The following APPBP2 variants were observed in gnomAD, a reference collection of about 807,000 sequenced individuals.
APPBP2 encodes the protein amyloid beta precursor protein binding protein 2, also known as amyloid protein-binding protein 2.
APPBP2 carries 15 observed loss-of-function variants against 76.0 expected under a neutral mutation model. The observed-to-expected ratio is 0.20, with a 90% CI of 0.13 to 0.30. The LOEUF (loss-of-function observed/expected upper bound fraction) is 0.30. APPBP2 is among the 10% of genes least tolerant of loss of function. The probability of loss-of-function intolerance (pLI) is 1.00; values close to 1 mark genes in which losing one functional copy is unlikely to be tolerated. For missense variants in APPBP2, 401 were observed against 687.2 expected, an observed-to-expected ratio of 0.58 and a Z score of 4.66; for synonymous variants, 222 against 242.2, an observed-to-expected ratio of 0.92 and a Z score of 0.77.
chr17:60,482,738 C>T (rs974482113), intron 3 of APPBP2, among the ~76,000 whole-genome samples: 1 of 152,184 alleles, frequency 6.6e-6, no homozygotes, highest in Non-Finnish European at 1.5e-5. Context: ...CAGCTTCATC[C>T]ATGTCCCTAC....
intron 2 of APPBP2, among the ~76,000 whole-genome samples, chr17:60,499,968 G>T (rs1011243902): frequency 4.6e-5 from 7 of 151,214 alleles, no homozygotes; most frequent in Non-Finnish European, 1.0e-4. Flanking sequence ...TGATTAAAAA[G>T]TTCTGGAAAT....
intron 3 of APPBP2, among the ~76,000 whole-genome samples, chr17:60,491,826 C>G (rs2090731771): frequency 6.6e-6 from 1 of 152,170 alleles, no homozygotes; most frequent in Non-Finnish European, 1.5e-5. Context: ...AAGAAAAACT[C>G]ATTTTGTGAG....
chr17:60,461,542 C>G, intron 8 of APPBP2: 1 of 324,360 alleles, frequency 3.1e-6, no homozygotes, highest in Non-Finnish European at 5.6e-6. Context: ...AAAGACAAGC[C>G]ATTACATGGG....
In APPBP2 at chr17:60,510,456, T is replaced by G. The variant is rs117451389; in HGVS notation, c.139-9969A>C. On this transcript the variant is annotated intron_variant, in intron 1 of 12. Transcript: ENST00000083182. ...CTCATCTGATGTTGGGCGTGGTGGG[T>G]CACACCTGTAATCCCAGCACTCTGG... is the stretch of plus-strand genomic sequence containing the variant. Among the ~76,000 whole-genome samples, 1,359 of 151,994 alleles carry G rather than the reference T, an allele frequency of 8.9e-3. 7 individuals are homozygous for G. The highest frequency in any genetic ancestry group is 0.014 in the Non-Finnish European group (919 of 67,984).
intron 3 of APPBP2, among the ~76,000 whole-genome samples, chr17:60,481,420 G>A (rs781274618): frequency 2.0e-5 from 3 of 152,106 alleles, no homozygotes; most frequent in Non-Finnish European, 4.4e-5. Flanking sequence ...GTGAGACCCT[G>A]TCTCCTAAAT....
intron 4 of APPBP2, among the ~76,000 whole-genome samples, chr17:60,474,047 G>C (rs1329295817): frequency 6.6e-6 from 1 of 152,082 alleles, no homozygotes; most frequent in Admixed American, 6.6e-5. Context: ...AGGATCTCCA[G>C]AACTGAATTA....
At chr17:60,492,017 T>C (rs1338678475) in intron 3 of APPBP2, among the ~76,000 whole-genome samples, 1 of 152,172 alleles carries the variant, frequency 6.6e-6, no homozygotes, top group African/African-American at 2.4e-5. Flanking sequence ...AGGGCCCCCC[T>C]GCTGTGTGCA....
Position 60,456,351 on chromosome 17 carries a change from A to G in APPBP2, c.1092T>C (p.Ile364=). 1.9e-6 allele frequency: 3 copies of G among 1,610,198 alleles called. No homozygotes were observed. Among genetic ancestry groups the G allele is most frequent in the East Asian group, 4.5e-5 (2 of 44,794 alleles). ...GATGATCTTCAGGTAGGATGTGGGTAATGATACCAATAGCTCTTTCTGCAT... is the reference window on the plus strand; with the variant it reads ...GATGATCTTCAGGTAGGATGTGGGTGATGATACCAATAGCTCTTTCTGCAT... ...LFHAERAIGI[I]THILPEDHLL... The change falls in exon 10 of 13, where the codon ATT becomes ATC. Residue 364 remains isoleucine, a synonymous_variant. Coordinates refer to ENST00000083182, the MANE Select transcript of APPBP2 (RefSeq NM_006380.5).
intron 4 of APPBP2, among the ~76,000 whole-genome samples, chr17:60,475,405 G>A (rs2090582405): frequency 6.6e-6 from 1 of 152,022 alleles, no homozygotes; most frequent in African/African-American, 2.4e-5. Context: ...ATGCCTTGCT[G>A]GAACTTATAT....
At chr17:60,477,798 GC>G (rs2090601301) in intron 4 of APPBP2, among the ~76,000 whole-genome samples, 1 of 124,234 alleles carries the variant, frequency 8.0e-6, no homozygotes. Flanking sequence ...AATCCAACTG[GC>G]CAAAAAAAAA....
intron 1 of APPBP2, among the ~76,000 whole-genome samples, chr17:60,506,753 T>A (rs537930461): frequency 1.3e-5 from 2 of 152,108 alleles, no homozygotes; most frequent in East Asian, 3.9e-4. Context: ...AAAAACATTT[T>A]CCCCCCGGGC....
intron 4 of APPBP2, among the ~76,000 whole-genome samples, chr17:60,474,328 T>C (rs1489668465): frequency 6.6e-6 from 1 of 151,888 alleles, no homozygotes; most frequent in Non-Finnish European, 1.5e-5. Flanking sequence ...CCCACCACCA[T>C]GCCCAGTTAA....
intron 12 of APPBP2, among the ~76,000 whole-genome samples, chr17:60,448,283 T>C (rs1222730891): frequency 6.6e-6 from 1 of 152,076 alleles, no homozygotes; most frequent in Non-Finnish European, 1.5e-5. Context: ...GCCAACATGG[T>C]GAATACCCGT....
chr17:60,507,662 T>C (rs1345066135), intron 1 of APPBP2, among the ~76,000 whole-genome samples: 1 of 152,222 alleles, frequency 6.6e-6, no homozygotes, highest in South Asian at 2.1e-4. Context: ...TTATTTAGTA[T>C]TGTTATTATA....
At chr17:60,500,171 C>T (rs2090811207) in intron 2 of APPBP2, among the ~76,000 whole-genome samples, 1 of 152,064 alleles carries the variant, frequency 6.6e-6, no homozygotes. Context: ...CCACCACGCC[C>T]AGCTAATTTT....
chr17:60,521,937 C>T (rs1218456032), intron 1 of APPBP2, among the ~76,000 whole-genome samples: 1 of 152,172 alleles, frequency 6.6e-6, no homozygotes, highest in East Asian at 1.9e-4. Context: ...GCCTACGGTA[C>T]TCAGTAAAGT....
At chr17:60,505,309 A>C (rs2090857415) in intron 1 of APPBP2, among the ~76,000 whole-genome samples, 1 of 152,212 alleles carries the variant, frequency 6.6e-6, no homozygotes, top group Non-Finnish European at 1.5e-5. Context: ...CCAATGTAGA[A>C]CATAATCCAA....
intron 1 of APPBP2, among the ~76,000 whole-genome samples, chr17:60,524,041 T>A (rs1412033586): frequency 6.6e-6 from 1 of 152,152 alleles, no homozygotes; most frequent in East Asian, 1.9e-4. Flanking sequence ...ATACTCCCAA[T>A]AAGCATACAA....
intron 3 of APPBP2, among the ~76,000 whole-genome samples, chr17:60,485,498 TTATAG>T (rs2090667057): frequency 6.6e-6 from 1 of 152,222 alleles, no homozygotes; most frequent in Non-Finnish European, 1.5e-5. Context: ...TTAGAGGTAT[TTATAG>T]TATTCTCTGA....
Sources: allele counts gnomAD v4.1 joint callset (sites outside exome capture counted in the v4.1 genomes callset), GRCh38; gene constraint gnomAD v4.1.1; transcripts MANE v1.5; gene names NCBI Gene and HGNC (gene_info 2026-07-23, HGNC 2026-07-21).